ZNF445: variants seen among roughly 807,000 people sequenced by gnomAD.
The protein encoded by ZNF445 is zinc finger protein 168.
In ZNF445, 19 loss-of-function variants were observed where a neutral mutation model predicts 93.9. That is an observed-to-expected ratio of 0.20 (90% confidence interval 0.14 to 0.30). The LOEUF is 0.30. ZNF445 is among the 10% of genes least tolerant of loss of function. The pLI, the probability that ZNF445 is intolerant of heterozygous loss-of-function variation, is 1.00. For missense variants in ZNF445, 1,058 were observed against 1,259.4 expected (o/e 0.84, Z 2.42); for synonymous variants, 449 against 446.3 (o/e 1.01, Z -0.08).
intron 3 of ZNF445, among the ~76,000 whole-genome samples, chr3:44,452,462 G>A (rs1161321359): frequency 6.6e-6 from 1 of 151,710 alleles, no homozygotes; most frequent in Non-Finnish European, 1.5e-5. Context: ...ACCACAGAAC[G>A]ATTCTGTGAC....
At position 44,433,223 on chromosome 3, in the gene ZNF445, C is replaced by G. The variant is rs1371718417; in HGVS notation, c.*13352G>C. On this transcript the variant is annotated 3_prime_UTR_variant, in exon 8 of 8. Coordinates refer to ENST00000396077, the MANE Select transcript of ZNF445 (RefSeq NM_181489.6). ...CCGCCTCCCAGGTTCAAACGATTCT[C>G]CTGTCTCAGCCTCCCCAGTAGCTGG... The G allele has an allele frequency of 6.6e-6, 1 of 152,086 alleles. No homozygotes were observed. The highest frequency in any genetic ancestry group is 2.1e-4 in the South Asian group (1 of 4,816). 9.4% of individuals were successfully genotyped at this position (152,086 alleles called of 1,614,324 possible). A position where few individuals can be genotyped will look rare whatever the true frequency, so the allele number is the denominator to read the frequency against.
chr3:44,465,113 T>C (rs2125683981), intron 1 of ZNF445, among the ~76,000 whole-genome samples: 1 of 148,224 alleles, frequency 6.7e-6, no homozygotes, highest in South Asian at 2.2e-4. Flanking sequence ...GGTTTTTCAC[T>C]AAAAATAAAA....
At position 44,447,795 on chromosome 3, in the gene ZNF445, T is replaced by C. The variant is rs2125678478; in HGVS notation, c.1876A>G (p.Lys626Glu). ...AAGGTTTTCCTACATTTGGTACATT[T>C]ATAGGGCTTCTCCTGGGTGTGAATC... is the stretch of plus-strand genomic sequence containing the variant. ...QRIHTQEKPY[K>E]CTKCRKTFRW... Residue 626 changes from lysine to glutamate, a missense_variant, in exon 8 of 8, where the codon AAA (lysine) becomes GAA (glutamate). By Grantham distance (56) the Lys-to-Glu change is moderately conservative. Around this residue, in one of 3 missense-constraint regions of ZNF445, gnomAD observed 14 missense variants for 37.3 expected, o/e 0.38. Transcript: ENST00000396077. This position sits in a 1 kb window ranked among gnomAD's most constrained non-coding sequence, Gnocchi z 4.7. 1 of 1,614,112 alleles carries C rather than the reference T, an allele frequency of 6.2e-7. No homozygotes were observed. The highest frequency in any genetic ancestry group is 8.5e-7 in the Non-Finnish European group (1 of 1,180,028).
intron 1 of ZNF445, among the ~76,000 whole-genome samples, chr3:44,465,894 A>G (rs951403530): frequency 1.3e-5 from 2 of 152,236 alleles, no homozygotes; most frequent in East Asian, 3.8e-4. Flanking sequence ...AGACTGGGCT[A>G]CAGAGTAAGA....
rs550737546 is a variant in ZNF445, at chr3:44,465,932, AAAAC to A, written c.-268-7572_-268-7569del. Among the ~76,000 whole-genome samples the A allele has an allele frequency of 4.7e-3, 715 of 152,284 alleles. 7 individuals carry two copies. Among genetic ancestry groups the A allele is most frequent in the Non-Finnish European group, 7.8e-3 (533 of 68,008 alleles). ...TCGTCTCAAAAAAAAACCAAAAAACAAAACAAACAAACAAACAAACTAGCTTTAA... is the reference window on the plus strand; with the variant it reads ...TCGTCTCAAAAAAAAACCAAAAAACAAAACAAACAAACAAACTAGCTTTAA... On this transcript the variant is annotated intron_variant, in intron 1 of 7. Transcript: ENST00000396077.
intron 7 of ZNF445, among the ~76,000 whole-genome samples, chr3:44,449,213 G>T (rs942264556): frequency 2.0e-4 from 31 of 152,178 alleles, no homozygotes; most frequent in African/African-American, 7.2e-4. Flanking sequence ...CAGGCCAGGA[G>T]TGAGGAGGAG....
intron 6 of ZNF445, among the ~76,000 whole-genome samples, chr3:44,449,899 A>G (rs1697933632): frequency 6.6e-6 from 1 of 152,198 alleles, no homozygotes; most frequent in Admixed American, 6.5e-5. Flanking sequence ...TTGAATGTCT[A>G]AACAGACTAG....
In ZNF445 at chr3:44,449,570, A is replaced by C; in HGVS notation, c.874T>G (p.Trp292Gly). Residue 292 changes from tryptophan to glycine, a missense_variant, in exon 7 of 8, where the codon TGG (tryptophan) becomes GGG (glycine). Trp to Gly is a radical substitution (Grantham distance 184). This residue lies in a region of ZNF445 where 657 missense variants were observed against 746.4 expected (regional missense o/e 0.88). Coordinates refer to ENST00000396077, the MANE Select transcript of ZNF445 (RefSeq NM_181489.6). Reference protein sequence around the residue: ...LISWLEAREPWGLNMQAAQPK... With the variant: ...LISWLEAREPGGLNMQAAQPK... ...TGAGCTGCCTGCATGTTCAGGCCCCATGGCTCCCTTGCTTCCAACCAGGAG... is the reference window on the plus strand; with the variant it reads ...TGAGCTGCCTGCATGTTCAGGCCCCCTGGCTCCCTTGCTTCCAACCAGGAG... 2 of 1,614,158 alleles carry C rather than the reference A, an allele frequency of 1.2e-6. No homozygotes were observed. The highest frequency in any genetic ancestry group is 1.7e-6 in the Non-Finnish European group (2 of 1,180,004).
rs1697829773 is a variant in ZNF445, at chr3:44,442,976, C to G, written c.*3599G>C. 6.6e-6 allele frequency: 1 copy of G among 152,230 alleles called. No individual in the cohort carries two copies. The highest frequency in any genetic ancestry group is 2.4e-5 in the African/African-American group (1 of 41,442). The allele number at this position is 152,230 out of a possible 1,614,324, so 9.4% of individuals were successfully genotyped here. A position where few individuals can be genotyped will look rare whatever the true frequency, so the allele number is the denominator to read the frequency against. ...CAAACAGATAAATAAGCACCCAACC[C>G]TGGCTTCCAGAGTGCTTGGTCTGGC... On this transcript the variant is annotated 3_prime_UTR_variant, in exon 8 of 8. Transcript: ENST00000396077.
chr3:44,457,642 T>G (rs1235572608), intron 2 of ZNF445, among the ~76,000 whole-genome samples: 1 of 152,078 alleles, frequency 6.6e-6, no homozygotes, highest in African/African-American at 2.4e-5. Flanking sequence ...CTGGAGCAAT[T>G]GGACATCTAA....
chr3:44,437,729 T>C lies in ZNF445; in HGVS notation c.*8846A>G, dbSNP rs1324918532. The C allele has an allele frequency of 6.6e-6, 1 of 152,218 alleles. No individual in the cohort carries two copies. The highest frequency in any genetic ancestry group is 6.5e-5 in the Admixed American group (1 of 15,280). 9.4% of individuals were successfully genotyped at this position (152,218 alleles called of 1,614,324 possible). ...TCGTCCAATCAGTGCTGCAGTCTAT[T>C]TCTTTGGGGTTGGGGGGATTTCTTC... On this transcript the variant is annotated 3_prime_UTR_variant, in exon 8 of 8. Coordinates refer to ENST00000396077, the MANE Select transcript of ZNF445 (RefSeq NM_181489.6).
At chr3:44,451,231 A>G (rs1697952789) in intron 4 of ZNF445, 83 bp downstream of exon 4, 1 of 1,495,354 alleles carries the variant, frequency 6.7e-7, no homozygotes, top group Non-Finnish European at 9.2e-7. Context: ...TTCTCATGAG[A>G]GGACAGATGT....
At chr3:44,470,489 A>T (rs1229737581) in intron 1 of ZNF445, among the ~76,000 whole-genome samples, 2 of 152,242 alleles carry the variant, frequency 1.3e-5, no homozygotes, top group African/African-American at 4.8e-5. Flanking sequence ...TTGCATTTAA[A>T]AGCAACTTTA....
chr3:44,448,075 C>T lies in ZNF445; in HGVS notation c.1596G>A (p.Glu532=). 6.2e-7 allele frequency: 1 copy of T among 1,612,990 alleles called. No individual in the cohort carries two copies. Among genetic ancestry groups the T allele is most frequent in the South Asian group, 1.1e-5 (1 of 91,076 alleles). The change falls in exon 8 of 8, where the codon GAG becomes GAA. Residue 532 remains glutamate, a synonymous_variant. Coordinates refer to ENST00000396077, the MANE Select transcript of ZNF445 (RefSeq NM_181489.6). ...AAGGCTTCACTCCAGTGTGAATTTT[C>T]TCATGCCGCGCACAGTTGGAACTCC... is the stretch of plus-strand genomic sequence containing the variant. ...FRWSSNCARH[E]KIHTGVKPYK...
Position 44,432,370 on chromosome 3 carries a change from A to T in ZNF445, c.*14205T>A, listed in dbSNP as rs1697575540. On this transcript the variant is annotated 3_prime_UTR_variant, in exon 8 of 8. Transcript: ENST00000396077. ...GATAAGGAATTGGCTTATAGAATTA[A>T]GGAGGCTGGCAAGTCCCAAATCTTC... is the stretch of plus-strand genomic sequence containing the variant. 1 of 151,966 alleles carries T rather than the reference A, an allele frequency of 6.6e-6. No individual in the cohort carries two copies. Among genetic ancestry groups the T allele is most frequent in the Non-Finnish European group, 1.5e-5 (1 of 68,090 alleles). The allele number at this position is 151,966 out of a possible 1,614,324, so 9.4% of individuals were successfully genotyped here. A position where few individuals can be genotyped will look rare whatever the true frequency, so the allele number is the denominator to read the frequency against.
chr3:44,450,742 G>A (rs182151464), intron 5 of ZNF445, 126 bp downstream of exon 5: 1 of 1,274,756 alleles, frequency 7.8e-7, no homozygotes, highest in African/African-American at 1.5e-5. Context: ...GGATAATCTG[G>A]TCTCTGGAAC....
At position 44,441,360 on chromosome 3, in the gene ZNF445, T is replaced by C. The variant is rs1037726243; in HGVS notation, c.*5215A>G. 1 of 152,244 alleles carries C rather than the reference T, an allele frequency of 6.6e-6. No homozygotes were observed. The highest frequency in any genetic ancestry group is 2.4e-5 in the African/African-American group (1 of 41,460). The allele number at this position is 152,244 out of a possible 1,614,324, so 9.4% of individuals were successfully genotyped here. On this transcript the variant is annotated 3_prime_UTR_variant, in exon 8 of 8. Coordinates refer to ENST00000396077, the MANE Select transcript of ZNF445 (RefSeq NM_181489.6). The stretch of plus-strand genomic sequence containing the variant: ...GGTTTTGACCGGCTTCTTTACCACA[T>C]GCTGTTTTATTGGCAAGGTCTTTAT...
chr3:44,463,000 TA>T (rs1417909210), intron 1 of ZNF445, among the ~76,000 whole-genome samples: 7 of 139,972 alleles, frequency 5.0e-5, no homozygotes, highest in African/African-American at 1.9e-4. Flanking sequence ...TCAACTGAAT[TA>T]TTTTTTTCTT....
At chr3:44,456,964 C>CA in intron 2 of ZNF445, among the ~76,000 whole-genome samples, 1 of 152,040 alleles carries the variant, frequency 6.6e-6, no homozygotes, top group Non-Finnish European at 1.5e-5. Context: ...TCCAGGTCTA[C>CA]AAAAAATACA....
Sources: allele counts gnomAD v4.1 joint callset (sites outside exome capture counted in the v4.1 genomes callset), GRCh38; gene constraint gnomAD v4.1.1; regional missense constraint gnomAD v4.1.1; non-coding constraint Gnocchi (gnomAD v3.1); transcripts MANE v1.5; gene names NCBI Gene and HGNC (gene_info 2026-07-23, HGNC 2026-07-21).